Variants in GPHN observed in about 807,000 individuals in gnomAD.
GPHN encodes the protein gephyrin.
Under a neutral mutation model 95.5 loss-of-function variants are expected in GPHN, and 17 were observed. The ratio of observed to expected loss-of-function variants is 0.18; its 90% CI spans 0.12 to 0.27. The LOEUF (loss-of-function observed/expected upper bound fraction) is 0.27, where lower values mean the gene tolerates loss of function less well. Among genes scored for constraint, GPHN ranks in the 10% least tolerant of loss-of-function variants. GPHN has a pLI of 1.00. For synonymous variants in GPHN, 320 were observed against 322.5 expected (o/e 0.99, Z 0.08); for missense variants, 660 against 978.1 (o/e 0.67, Z 4.34).
the GPHN span, chr14:67,279,377 G>A: frequency 2.5e-6 from 4 of 1,613,916 alleles, no homozygotes; most frequent in Non-Finnish European, 3.4e-6. Flanking sequence ...TGAGGCGTAG[G>A]AGAGAGGAAG....
chr14:67,308,535 T>G, the GPHN span, among the ~76,000 whole-genome samples: 1 of 141,248 alleles, frequency 7.1e-6, no homozygotes, highest in Non-Finnish European at 1.5e-5. Context: ...TCCAAATATT[T>G]TTTTCTTTTT....
At chr14:66,783,111 G>A (rs1036067433) in intron 3 of GPHN, among the ~76,000 whole-genome samples, 1 of 152,128 alleles carries the variant, frequency 6.6e-6, no homozygotes, top group African/African-American at 2.4e-5. Flanking sequence ...CACCTAAGAG[G>A]CAAGAATGGC....
the GPHN span, chr14:67,581,913 C>G: frequency 1.5e-6 from 1 of 678,836 alleles, no homozygotes; most frequent in South Asian, 1.9e-5. Context: ...GTGTCATACT[C>G]GGTTATATGT....
chr14:67,582,426 A>G, the GPHN span, among the ~76,000 whole-genome samples: 8 of 152,308 alleles, frequency 5.3e-5, no homozygotes, highest in Middle Eastern at 3.4e-3. This position sits in a 1 kb window ranked among gnomAD's most constrained non-coding sequence, Gnocchi z 5.0. Context: ...CTTGGAATCC[A>G]GAGACCTGGG....
the GPHN span, among the ~76,000 whole-genome samples, chr14:67,426,404 G>A: frequency 1.3e-5 from 2 of 152,152 alleles, no homozygotes; most frequent in East Asian, 3.9e-4. Flanking sequence ...GAGAACAGCT[G>A]TCATGTGCCC....
At chr14:66,995,854 T>C (rs2071749502) in intron 9 of GPHN, among the ~76,000 whole-genome samples, 1 of 152,180 alleles carries the variant, frequency 6.6e-6, no homozygotes, top group Non-Finnish European at 1.5e-5. Context: ...CCAGTGAAGA[T>C]CAGTGCAGTA....
chr14:66,952,526 G>C (rs796489571), intron 8 of GPHN, among the ~76,000 whole-genome samples: 13 of 152,238 alleles, frequency 8.5e-5, no homozygotes, highest in African/African-American at 3.1e-4. Flanking sequence ...CCTGTTTTCA[G>C]TTCTCTTGAA....
chr14:66,951,449 G>A (rs1044529889), intron 8 of GPHN, among the ~76,000 whole-genome samples: 1 of 149,900 alleles, frequency 6.7e-6, no homozygotes, highest in Non-Finnish European at 1.5e-5. Context: ...CTGGAAGGCG[G>A]AAGTTGCAGT....
intron 6 of GPHN, among the ~76,000 whole-genome samples, chr14:66,916,821 A>G (rs115823731): frequency 0.013 from 1,919 of 152,318 alleles, 26 homozygotes; most frequent in African/African-American, 0.042. Context: ...TTTGCTGTAC[A>G]AGCTACCCCC....
the GPHN span, among the ~76,000 whole-genome samples, chr14:67,348,427 G>A: frequency 6.6e-5 from 10 of 151,330 alleles, no homozygotes; most frequent in Non-Finnish European, 1.0e-4. Context: ...GGCTGGTCTC[G>A]AACTCCTGAC....
chr14:66,992,208 A>AT (rs1314590805), intron 9 of GPHN, among the ~76,000 whole-genome samples: 7 of 152,062 alleles, frequency 4.6e-5, no homozygotes, highest in South Asian at 2.1e-4. Context: ...ACCAAGTGTG[A>AT]TTTTTTTAAG....
At chr14:67,384,270 A>AT in the GPHN span, 6 of 151,952 alleles carry the variant, frequency 3.9e-5, no homozygotes, top group South Asian at 6.2e-4. Flanking sequence ...ATATCACCCA[A>AT]TTTTTTATTT....
At chr14:67,145,480 A>G (rs1192116132) in intron 18 of GPHN, among the ~76,000 whole-genome samples, 1 of 152,238 alleles carries the variant, frequency 6.6e-6, no homozygotes, top group Non-Finnish European at 1.5e-5. Context: ...ATAATAAGAT[A>G]CTTACACTAA....
chr14:66,782,850 C>A (rs2059653692), intron 3 of GPHN, among the ~76,000 whole-genome samples: 2 of 151,548 alleles, frequency 1.3e-5, no homozygotes, highest in Admixed American at 6.6e-5. Flanking sequence ...AACAAACAAA[C>A]AAAAAAACCA....
chr14:67,088,926 T>C, intron 11 of GPHN, 57 bp from the exon 12 acceptor site: 1 of 961,130 alleles, frequency 1.0e-6, no homozygotes, highest in Non-Finnish European at 1.7e-6. Flanking sequence ...TGTTTATGAC[T>C]GCCTGCTTAC....
intron 1 of GPHN, among the ~76,000 whole-genome samples, chr14:66,602,846 A>G (rs927086292): frequency 3.3e-5 from 5 of 151,932 alleles, no homozygotes; most frequent in African/African-American, 4.8e-5. Flanking sequence ...ACAAAAAGCC[A>G]ATAAAAAGTC....
the GPHN span, among the ~76,000 whole-genome samples, chr14:67,490,891 G>T: frequency 6.8e-3 from 1,028 of 152,272 alleles, 9 homozygotes; most frequent in Non-Finnish European, 0.011. Context: ...TATGGGGTGG[G>T]CGTGGAGGGG....
chr14:66,561,196 A>T (rs1191917041), intron 1 of GPHN, among the ~76,000 whole-genome samples: 1 of 152,056 alleles, frequency 6.6e-6, no homozygotes, highest in Non-Finnish European at 1.5e-5. Flanking sequence ...TATTGGTCTA[A>T]AATCTCTTTT....
chr14:67,351,763 C>T, the GPHN span, among the ~76,000 whole-genome samples: 1 of 152,050 alleles, frequency 6.6e-6, no homozygotes, highest in East Asian at 1.9e-4. Context: ...TCAAACCATC[C>T]TCCCACCTCG....
Sources: gnomAD v4.1 joint callset for allele counts (sites outside exome capture counted in the v4.1 genomes callset) on GRCh38, gnomAD v4.1.1 for gene constraint, Gnocchi (gnomAD v3.1) non-coding constraint, MANE v1.5 for transcripts, NCBI Gene and HGNC (gene_info 2026-07-23, HGNC 2026-07-21) for gene names.